ACOX3: variants seen among roughly 807,000 people sequenced by gnomAD.
ACOX3 encodes the protein acyl-CoA oxidase 3, pristanoyl, also known as peroxisomal acyl-coenzyme A oxidase 3.
A neutral mutation model predicts 81.5 loss-of-function variants in ACOX3; 73 were observed. The ratio of observed to expected loss-of-function variants is 0.90; its 90% CI spans 0.74 to 1.09. The LOEUF is 1.09. ACOX3 is among the 50% of genes least tolerant of loss of function. The pLI, the probability that ACOX3 is intolerant of heterozygous loss-of-function variation, is 0.00. For missense variants in ACOX3, 947 were observed against 928.0 expected, an observed-to-expected ratio of 1.02 and a Z score of -0.27; for synonymous variants, 387 against 375.1, an observed-to-expected ratio of 1.03 and a Z score of -0.37.
intron 1 of ACOX3, among the ~76,000 whole-genome samples, chr4:8,422,340 A>T (rs1054326853): frequency 1.3e-5 from 2 of 152,228 alleles, no homozygotes; most frequent in Admixed American, 1.3e-4. Flanking sequence ...TGATAATTGA[A>T]GGTCTTCTCT....
At chr4:8,362,717 T>C (rs1287098743), downstream of ACOX3, among the ~76,000 whole-genome samples, 2 of 152,204 alleles carry the variant, frequency 1.3e-5, no homozygotes, top group Non-Finnish European at 2.9e-5. Flanking sequence ...TTCTGACAGG[T>C]CCAGTAGCCC....
At chr4:8,415,718 C>G in intron 3 of ACOX3, 48 bp downstream of exon 3, 1 of 1,558,218 alleles carries the variant, frequency 6.4e-7, no homozygotes, top group Non-Finnish European at 8.8e-7. Flanking sequence ...CCTCAAGGCT[C>G]AGCGCAGCAT....
rs1336657101 is a variant in ACOX3 at position 8,432,145 on chromosome 4, T to C, written c.-15+8503A>G. 3.9e-5 allele frequency among the ~76,000 whole-genome samples: 6 copies of C among 152,202 alleles called. No individual in the cohort carries two copies. The highest frequency in any genetic ancestry group is 1.3e-4 in the Admixed American group (2 of 15,288). On this transcript the variant is annotated intron_variant, in intron 1 of 17. Transcript: ENST00000356406. The surrounding 1 kb of genome is among the most constrained non-coding windows in gnomAD (Gnocchi z 6.2). ...AAGTGGTAGGCAGCTGAAAACGGTG[T>C]TGGGAAAGAGTTGTGGAACATAAAT...
intron 1 of ACOX3, among the ~76,000 whole-genome samples, chr4:8,434,814 C>T (rs1724134599): frequency 1.3e-5 from 2 of 152,200 alleles, no homozygotes; most frequent in South Asian, 4.1e-4. Flanking sequence ...GATAAACAGG[C>T]GTGCCTTTAT....
intron 9 of ACOX3, among the ~76,000 whole-genome samples, chr4:8,395,357 T>TGGATGCGTGGACAGGTGGGG (rs768848986): frequency 2.3e-5 from 2 of 85,906 alleles, no homozygotes; most frequent in Non-Finnish European, 2.3e-5. Context: ...GATGGGTGGG[T>TGGATGCGTGGACAGGTGGGG]GGATGCGTGG....
chr4:8,378,130 C>A (rs1271509782), intron 14 of ACOX3, among the ~76,000 whole-genome samples: 3 of 152,210 alleles, frequency 2.0e-5, no homozygotes, highest in Non-Finnish European at 4.4e-5. Context: ...GGGTCCCAGT[C>A]TGGTACACTC....
intron 14 of ACOX3, among the ~76,000 whole-genome samples, chr4:8,376,165 C>T (rs1578863008): frequency 6.6e-6 from 1 of 152,158 alleles, no homozygotes; most frequent in Admixed American, 6.5e-5. Flanking sequence ...TCTACAGCCT[C>T]GCCAGCATCT....
chr4:8,395,667 T>A (rs1383645310), intron 9 of ACOX3, among the ~76,000 whole-genome samples: 3 of 152,228 alleles, frequency 2.0e-5, no homozygotes, highest in Non-Finnish European at 4.4e-5. Context: ...GGGGTGGACC[T>A]TGGTGGTAAG....
At chr4:8,363,913 C>T (rs1463112763), downstream of ACOX3, among the ~76,000 whole-genome samples, 2 of 152,124 alleles carry the variant, frequency 1.3e-5, no homozygotes, top group African/African-American at 4.8e-5. Flanking sequence ...ACGAATCCAC[C>T]CTTTGATTAT....
At position 8,374,961 on chromosome 4, in the gene ACOX3, G is replaced by A. The variant is rs369062779; in HGVS notation, c.1828+17C>T. 8 of 1,489,086 alleles carry A rather than the reference G, an allele frequency of 5.4e-6. No homozygotes were observed. Among genetic ancestry groups the A allele is most frequent in the Non-Finnish European group, 7.2e-6 (8 of 1,111,332 alleles). The allele number at this position is 1,489,086 out of a possible 1,614,324, so 92.2% of individuals were successfully genotyped here. Reference sequence around the variant, plus strand: ...TGACTCTGGGGAGGACAGCAAGCCCGCAGTCAGAAGCCTCACCTCGGTAGA... The same window carrying A: ...TGACTCTGGGGAGGACAGCAAGCCCACAGTCAGAAGCCTCACCTCGGTAGA... On this transcript the variant is annotated intron_variant, in intron 15 of 17. Transcript: ENST00000356406.
rs1717751170 is a variant in ACOX3 at position 8,382,251 on chromosome 4, T to C, written c.1538-644A>G. ...GGGGTGGGGTGTCAGGCAGGACAGCTGGAGACCCCCCTTCGTCCTCCCCTT... is the reference window on the plus strand; with the variant it reads ...GGGGTGGGGTGTCAGGCAGGACAGCCGGAGACCCCCCTTCGTCCTCCCCTT... On this transcript the variant is annotated intron_variant, in intron 13 of 17. Transcript: ENST00000356406. The surrounding 1 kb of genome is among the most constrained non-coding windows in gnomAD (Gnocchi z 4.1). 6.6e-6 allele frequency among the ~76,000 whole-genome samples: 1 copy of C among 152,300 alleles called. No individual in the cohort carries two copies. The highest frequency in any genetic ancestry group is 2.4e-5 in the African/African-American group (1 of 41,570).
Position 8,389,640 on chromosome 4 carries a change from CA to C in ACOX3, c.1394del (p.Leu465CysfsTer19). 6.2e-7 allele frequency: 1 copy of C among 1,614,044 alleles called. No individual in the cohort carries two copies. The highest frequency in any genetic ancestry group is 1.1e-5 in the South Asian group (1 of 91,082). ...NILLQQTSNYLLGLLAHQVHD... is the reference protein window; with the variant it reads ...NILLQQTSNYXLGLLAHQVHD... The stretch of plus-strand genomic sequence containing the variant: ...GGACCTGGTGTGCCAGGAGACCCAG[CA>C]AATAGTTGCTTGTCTGCTGCAGCAG... On this transcript the variant is annotated frameshift_variant, in exon 12 of 18. Transcript: ENST00000356406. LOFTEE classifies it high-confidence loss of function. The surrounding 1 kb of genome is among the most constrained non-coding windows in gnomAD (Gnocchi z 5.3).
At chr4:8,435,503 AG>A (rs1252374517) in intron 1 of ACOX3, among the ~76,000 whole-genome samples, 1 of 152,032 alleles carries the variant, frequency 6.6e-6, no homozygotes, top group African/African-American at 2.4e-5. Flanking sequence ...CTCAAAAAAA[AG>A]AAAAAAAAAA....
intron 1 of ACOX3, among the ~76,000 whole-genome samples, chr4:8,429,590 G>A (rs1047770184): frequency 2.0e-5 from 3 of 152,216 alleles, no homozygotes; most frequent in African/African-American, 7.2e-5. Flanking sequence ...AGTCCTTGAG[G>A]AAGGGGCTGC....
In ACOX3 at chr4:8,396,848, C is replaced by G. The variant is rs1449649589; in HGVS notation, c.1056+89G>C. The G allele has an allele frequency of 6.8e-6, 10 of 1,473,626 alleles. 1 individual carries two copies. In the African/African-American group the frequency reaches 1.3e-4, roughly 19 times the overall value. 91.3% of individuals were successfully genotyped at this position (1,473,626 alleles called of 1,614,324 possible). A position where few individuals can be genotyped will look rare whatever the true frequency, so the allele number is the denominator to read the frequency against. ...TAATTGCCTTAAGAGCTTTGATCAA[C>G]TCCCAGTAACCAAACGGCAACTATG... On this transcript the variant is annotated intron_variant, in intron 9 of 17. Coordinates refer to ENST00000356406, the MANE Select transcript of ACOX3 (RefSeq NM_003501.3).
downstream of ACOX3, among the ~76,000 whole-genome samples, chr4:8,365,259 G>A (rs1239506194): frequency 6.6e-6 from 1 of 152,198 alleles, no homozygotes; most frequent in East Asian, 1.9e-4. Flanking sequence ...GTTTGTACTC[G>A]GAACTGCTCC....
intron 11 of ACOX3, among the ~76,000 whole-genome samples, chr4:8,391,031 G>GTGTATGTGTATA (rs1718930363): frequency 1.4e-5 from 2 of 148,114 alleles, no homozygotes; most frequent in Non-Finnish European, 3.0e-5. Context: ...GTATATGTAT[G>GTGTATGTGTATA]TGTATATGTA....
In ACOX3 at chr4:8,370,405, G is replaced by C. The variant is rs1245406397; in HGVS notation, c.1983+503C>G. On this transcript the variant is annotated intron_variant, in intron 17 of 17. Transcript: ENST00000356406. This position sits in a 1 kb window ranked among gnomAD's most constrained non-coding sequence, Gnocchi z 6.3. ...CATTATGGAACATGGGGGGCAGGAGGAGAGCTGAGGAGCCACAGGGAGGCG... is the reference window on the plus strand; with the variant it reads ...CATTATGGAACATGGGGGGCAGGAGCAGAGCTGAGGAGCCACAGGGAGGCG... Among the ~76,000 whole-genome samples, 1 of 152,110 alleles carries C rather than the reference G, an allele frequency of 6.6e-6. No individual in the cohort carries two copies. The highest frequency in any genetic ancestry group is 1.5e-5 in the Non-Finnish European group (1 of 67,998).
chr4:8,404,613 C>A (rs1380572273), intron 7 of ACOX3, among the ~76,000 whole-genome samples: 2 of 152,156 alleles, frequency 1.3e-5, no homozygotes, highest in Non-Finnish European at 2.9e-5. Flanking sequence ...CTGCCCATCA[C>A]CCTGACTTCT....
Sources: allele counts gnomAD v4.1 joint callset (sites outside exome capture counted in the v4.1 genomes callset), GRCh38; gene constraint gnomAD v4.1.1; non-coding constraint Gnocchi (gnomAD v3.1); transcripts MANE v1.5; gene names NCBI Gene and HGNC (gene_info 2026-07-23, HGNC 2026-07-21).